TENM4: variants seen among roughly 807,000 people sequenced by gnomAD.
TENM4 encodes the protein teneurin transmembrane protein 4, also known as teneurin-4.
A neutral mutation model predicts 243.3 loss-of-function variants in TENM4; 82 were observed. The observed-to-expected ratio is 0.34, with a 90% CI of 0.28 to 0.40. The LOEUF (loss-of-function observed/expected upper bound fraction) is 0.40, where lower values mean the gene tolerates loss of function less well. TENM4 is among the 10% of genes least tolerant of loss of function. The pLI is 1.00. For synonymous variants in TENM4, 1,412 were observed against 1,456.3 expected (o/e 0.97, Z 0.69); for missense variants, 3,138 against 3,673.3 (o/e 0.85, Z 3.77).
At chr11:78,749,739 G>T (rs1173256167) in intron 19 of TENM4, among the ~76,000 whole-genome samples, 4 of 152,148 alleles carry the variant, frequency 2.6e-5, no homozygotes, top group Non-Finnish European at 4.4e-5. Context: ...TTTCTATAGG[G>T]TGTGAATGGA....
intron 15 of TENM4, among the ~76,000 whole-genome samples, chr11:78,788,268 T>C (rs188732175): frequency 1.3e-3 from 197 of 152,352 alleles, no homozygotes; most frequent in African/African-American, 4.7e-3. Context: ...ATGAATAAAA[T>C]GTTTGAGAAT....
chr11:79,024,168 TG>T (rs1480997304), intron 6 of TENM4, among the ~76,000 whole-genome samples: 1 of 152,184 alleles, frequency 6.6e-6, no homozygotes, highest in African/African-American at 2.4e-5. Context: ...AAAGGTCTGG[TG>T]GCCAGGGTAC....
At chr11:78,687,389 C>A (rs190379563) in intron 29 of TENM4, among the ~76,000 whole-genome samples, 7 of 152,332 alleles carry the variant, frequency 4.6e-5, no homozygotes, top group Admixed American at 2.6e-4. Flanking sequence ...AAGAGCCATC[C>A]AGCGGGCAGG....
intron 6 of TENM4, among the ~76,000 whole-genome samples, chr11:79,042,047 CCTGGTACCAATAGAT>C (rs1313890869): frequency 6.6e-6 from 1 of 152,154 alleles, no homozygotes; most frequent in Admixed American, 6.5e-5. Flanking sequence ...ACACAATAGA[CCTGGTACCAATAGAT>C]GCGTAACTTA....
intron 6 of TENM4, among the ~76,000 whole-genome samples, chr11:79,032,500 G>A (rs1859269960): frequency 6.6e-6 from 1 of 152,184 alleles, no homozygotes; most frequent in Non-Finnish European, 1.5e-5. Context: ...AGCCTCTGGT[G>A]ATATAAGTTT....
At chr11:78,927,724 C>A (rs760429367) in intron 6 of TENM4, among the ~76,000 whole-genome samples, 2 of 152,148 alleles carry the variant, frequency 1.3e-5, no homozygotes, top group Non-Finnish European at 2.9e-5. Context: ...GTAAAATTTT[C>A]TGCCAGTTTT....
chr11:79,312,847 T>A (rs1317636979), intron 1 of TENM4, among the ~76,000 whole-genome samples: 1 of 152,138 alleles, frequency 6.6e-6, no homozygotes, highest in Non-Finnish European at 1.5e-5. Context: ...TGTTCCTTTC[T>A]CTTAATGAGA....
At chr11:79,284,774 T>A (rs1352917062) in intron 2 of TENM4, among the ~76,000 whole-genome samples, 2 of 152,098 alleles carry the variant, frequency 1.3e-5, no homozygotes, top group South Asian at 4.1e-4. Flanking sequence ...ACTCACAGAA[T>A]GGGAAAAAAA....
chr11:79,188,987 T>C (rs1863428825), intron 3 of TENM4, among the ~76,000 whole-genome samples: 1 of 152,198 alleles, frequency 6.6e-6, no homozygotes, highest in African/African-American at 2.4e-5. Context: ...AGTATGAAAT[T>C]CACAGGTACT....
chr11:79,217,685 C>T (rs1252890191), intron 2 of TENM4, among the ~76,000 whole-genome samples: 1 of 152,066 alleles, frequency 6.6e-6, no homozygotes, highest in East Asian at 1.9e-4. Context: ...CCTGTTGGTA[C>T]TCTCCAGAGA....
intron 1 of TENM4, among the ~76,000 whole-genome samples, chr11:79,399,460 T>C (rs1037331842): frequency 1.3e-5 from 2 of 152,134 alleles, no homozygotes; most frequent in Non-Finnish European, 2.9e-5. Flanking sequence ...GAGCAATAAG[T>C]TTTTATCAGA....
intron 1 of TENM4, among the ~76,000 whole-genome samples, chr11:79,347,934 C>A (rs1464083248): frequency 6.6e-6 from 1 of 151,742 alleles, no homozygotes; most frequent in South Asian, 2.1e-4. Flanking sequence ...CGCCCGCCAC[C>A]GCGCCCGGCT....
At position 78,676,186 on chromosome 11, in the gene TENM4, C is replaced by T. The variant is rs747915374; in HGVS notation, c.5462G>A (p.Arg1821Gln). The stretch of plus-strand genomic sequence containing the variant: ...GCGCCCAAAGACAGTGACCTGGCCC[C>T]GAGCCTGCTCTTTGCGCTGGCGCCA... ...VEWRQRKEQA[R>Q]GQVTVFGRRL... Residue 1821 changes from arginine (R) to glutamine (Q), a missense_variant, in exon 30 of 34, where the codon CGG (arginine) becomes CAG (glutamine). By Grantham distance (43) the Arg-to-Gln change is conservative. This residue lies in a region of TENM4 where 2,467 missense variants were observed against 3,059.1 expected (regional missense o/e 0.81). Transcript: ENST00000278550. The T allele has an allele frequency of 3.4e-5, 53 of 1,546,820 alleles. No homozygotes were observed. The highest frequency in any genetic ancestry group is 4.1e-5 in the African/African-American group (3 of 73,398).
chr11:78,815,865 G>T (rs1857594859), intron 12 of TENM4, among the ~76,000 whole-genome samples: 2 of 152,334 alleles, frequency 1.3e-5, no homozygotes, highest in Middle Eastern at 3.4e-3. Flanking sequence ...AATCAAAGAG[G>T]CAAGACTGCA....
intron 6 of TENM4, among the ~76,000 whole-genome samples, chr11:78,988,220 C>T (rs918387567): frequency 6.6e-6 from 1 of 152,158 alleles, no homozygotes; most frequent in Non-Finnish European, 1.5e-5. Flanking sequence ...ATGGAGGGGT[C>T]CATGTGTAAG....
chr11:79,423,938 G>A (rs980766406), intron 1 of TENM4, among the ~76,000 whole-genome samples: 4 of 152,132 alleles, frequency 2.6e-5, no homozygotes, highest in African/African-American at 9.7e-5. Context: ...CCACTAACCT[G>A]GGTGTGAAGG....
At chr11:78,880,558 G>C (rs144163933) in intron 9 of TENM4, among the ~76,000 whole-genome samples, 165 of 151,668 alleles carry the variant, frequency 1.1e-3, no homozygotes, top group African/African-American at 3.7e-3. Flanking sequence ...ACTATGCTGA[G>C]GCTGTGGCTG....
intron 12 of TENM4, among the ~76,000 whole-genome samples, chr11:78,841,510 G>T (rs1591063961): frequency 6.6e-6 from 1 of 152,082 alleles, no homozygotes; most frequent in Non-Finnish European, 1.5e-5. Flanking sequence ...CTTCAAGGTT[G>T]ATCTCATCTT....
At chr11:79,298,651 T>C (rs1206374329) in intron 1 of TENM4, among the ~76,000 whole-genome samples, 2 of 151,816 alleles carry the variant, frequency 1.3e-5, no homozygotes, top group East Asian at 3.9e-4. Flanking sequence ...GAGTCCCTAC[T>C]ATGTGACAGC....
Sources: gnomAD v4.1 joint callset for allele counts (sites outside exome capture counted in the v4.1 genomes callset) on GRCh38, gnomAD v4.1.1 for gene constraint, gnomAD v4.1.1 regional missense constraint, MANE v1.5 for transcripts, NCBI Gene and HGNC (gene_info 2026-07-23, HGNC 2026-07-21) for gene names.